Variants in MAD1L1 observed in about 807,000 individuals in gnomAD.
MAD1L1 encodes mitotic spindle assembly checkpoint protein MAD1.
MAD1L1 carries 95 observed loss-of-function variants against 96.9 expected under a neutral mutation model. That is an observed-to-expected ratio of 0.98 (90% CI 0.83 to 1.16). The LOEUF (loss-of-function observed/expected upper bound fraction) is 1.16. MAD1L1 is among the 50% of genes most tolerant of loss of function. The probability of loss-of-function intolerance (pLI) is 0.00; values close to 1 mark genes in which losing one functional copy is unlikely to be tolerated. For missense variants in MAD1L1, 1,007 were observed against 954.4 expected, an observed-to-expected ratio of 1.06 and a Z score of -0.73; for synonymous variants, 473 against 396.6, an observed-to-expected ratio of 1.19 and a Z score of -2.29.
intron 16 of MAD1L1, among the ~76,000 whole-genome samples, chr7:1,946,617 G>A (rs991666359): frequency 6.6e-6 from 1 of 152,236 alleles, no homozygotes; most frequent in Non-Finnish European, 1.5e-5. Context: ...AGGCGCTCTG[G>A]TGCTGCTACC....
chr7:2,149,658 G>C (rs1789474513), intron 10 of MAD1L1, among the ~76,000 whole-genome samples: 1 of 152,228 alleles, frequency 6.6e-6, no homozygotes, highest in African/African-American at 2.4e-5. Context: ...GCGATCTCCA[G>C]GTGTAGCGCT....
rs574959802 is a variant in MAD1L1, at chr7:1,949,841, G to T, written c.1596+7788C>A. On this transcript the variant is annotated intron_variant, in intron 16 of 18. Transcript: ENST00000265854. ...CGGGGCACTTGCAGACAGGGCCACG[G>T]CCCTTGCTTCCCAGAGGAGGCCCCG... 5.9e-5 allele frequency among the ~76,000 whole-genome samples: 9 copies of T among 152,352 alleles called. No individual in the cohort carries two copies. In the South Asian group the frequency reaches 1.9e-3, roughly 32 times the overall value.
At chr7:2,068,950 G>T (rs1168852519) in intron 12 of MAD1L1, among the ~76,000 whole-genome samples, 1 of 152,158 alleles carries the variant, frequency 6.6e-6, no homozygotes, top group Non-Finnish European at 1.5e-5. Flanking sequence ...GGCCAGGGGT[G>T]GACACTGAGA....
intron 10 of MAD1L1, among the ~76,000 whole-genome samples, chr7:2,180,268 G>A (rs1389523245): frequency 4.6e-5 from 7 of 152,218 alleles, no homozygotes; most frequent in Admixed American, 3.3e-4. Flanking sequence ...TTGAAGCTCT[G>A]AGCAAGCAGG....
At chr7:2,192,709 A>G (rs1466563815) in intron 10 of MAD1L1, among the ~76,000 whole-genome samples, 2 of 152,172 alleles carry the variant, frequency 1.3e-5, no homozygotes, top group South Asian at 2.1e-4. Flanking sequence ...TCATGCTCCT[A>G]AACTAACGTC....
At chr7:1,950,464 C>T (rs1779439645) in intron 16 of MAD1L1, among the ~76,000 whole-genome samples, 15 of 152,250 alleles carry the variant, frequency 9.9e-5, no homozygotes, top group Admixed American at 9.8e-4. Context: ...TGGTAATCAC[C>T]CGCTGACTTC....
intron 17 of MAD1L1, among the ~76,000 whole-genome samples, chr7:1,934,381 G>A (rs916743294): frequency 8.5e-5 from 13 of 152,204 alleles, no homozygotes; most frequent in Non-Finnish European, 1.5e-5. Context: ...ACAGACGGGC[G>A]AACCCGAGAC....
chr7:2,102,129 A>G (rs1345023012), intron 11 of MAD1L1, among the ~76,000 whole-genome samples: 2 of 151,982 alleles, frequency 1.3e-5, no homozygotes, highest in Non-Finnish European at 2.9e-5. Context: ...CTCTCAACAG[A>G]TGCCAAGTCC....
At chr7:2,140,631 G>A (rs763133641) in intron 11 of MAD1L1, among the ~76,000 whole-genome samples, 15 of 152,310 alleles carry the variant, frequency 9.8e-5, no homozygotes, top group Middle Eastern at 3.4e-3. Flanking sequence ...ATCCCAGCAC[G>A]AGGCCAGGCC....
intron 17 of MAD1L1, among the ~76,000 whole-genome samples, chr7:1,914,839 C>T (rs904123310): frequency 1.3e-5 from 2 of 152,102 alleles, no homozygotes; most frequent in East Asian, 1.9e-4. Context: ...GGTCTCCAAC[C>T]GAGCCTCTGG....
chr7:2,077,046 G>C lies in MAD1L1; in HGVS notation c.1074-7708C>G, dbSNP rs1785411745. Among the ~76,000 whole-genome samples the C allele has an allele frequency of 2.1e-5, 3 of 142,156 alleles. No individual in the cohort carries two copies. The South Asian group carries it at 6.9e-4, about 33-fold the overall frequency. The allele number at this position is 142,156 out of a possible 152,430, so 93.3% of individuals were successfully genotyped here. On this transcript the variant is annotated intron_variant, in intron 11 of 18. Coordinates refer to ENST00000265854, the MANE Select transcript of MAD1L1 (RefSeq NM_001013836.2). ...TGAGCCCGAGACAGAGTTACGACTTGGTGAGCCCGCGGCATGGTGAGCCCA... is the reference window on the plus strand; with the variant it reads ...TGAGCCCGAGACAGAGTTACGACTTCGTGAGCCCGCGGCATGGTGAGCCCA...
chr7:2,176,367 A>T (rs939751283), intron 10 of MAD1L1, among the ~76,000 whole-genome samples: 1 of 152,206 alleles, frequency 6.6e-6, no homozygotes, highest in African/African-American at 2.4e-5. Context: ...ATAAATAAAT[A>T]AAAGAGTGAA....
intron 11 of MAD1L1, among the ~76,000 whole-genome samples, 161 bp from the exon 12 acceptor site, chr7:2,069,499 G>T (rs1401593567): frequency 6.6e-6 from 1 of 152,166 alleles, no homozygotes; most frequent in Admixed American, 6.5e-5. Flanking sequence ...GCTACTTAAG[G>T]CCTTTCAGGA....
intron 18 of MAD1L1, among the ~76,000 whole-genome samples, chr7:1,842,871 G>C (rs900075659): frequency 2.0e-5 from 3 of 152,258 alleles, no homozygotes; most frequent in Non-Finnish European, 2.9e-5. Flanking sequence ...CTCAGCACAC[G>C]GGCTGCCTTG....
chr7:2,155,922 T>A (rs1290604417), intron 10 of MAD1L1, among the ~76,000 whole-genome samples: 1 of 152,186 alleles, frequency 6.6e-6, no homozygotes, highest in African/African-American at 2.4e-5. Context: ...ATCTCATAGT[T>A]TTTAATTTAA....
intron 17 of MAD1L1, among the ~76,000 whole-genome samples, chr7:1,932,372 T>C (rs1017674035): frequency 6.6e-6 from 1 of 152,252 alleles, no homozygotes; most frequent in Non-Finnish European, 1.5e-5. Context: ...TCTTTCCTGG[T>C]TTACTCCCTC....
intron 17 of MAD1L1, among the ~76,000 whole-genome samples, chr7:1,905,607 G>C (rs1326932459): frequency 6.6e-6 from 1 of 152,260 alleles, no homozygotes; most frequent in African/African-American, 2.4e-5. Flanking sequence ...GTAGCCTATG[G>C]AAGATGCTCT....
At chr7:1,839,210 G>A (rs1441125354) in intron 18 of MAD1L1, among the ~76,000 whole-genome samples, 1 of 152,128 alleles carries the variant, frequency 6.6e-6, no homozygotes, top group African/African-American at 2.4e-5. Context: ...GTGGAGCAGG[G>A]CTTGGTGGGA....
At chr7:2,066,341 C>T (rs1158360298) in intron 12 of MAD1L1, among the ~76,000 whole-genome samples, 2 of 152,256 alleles carry the variant, frequency 1.3e-5, no homozygotes, top group Non-Finnish European at 2.9e-5. Context: ...GAGCAGCAGG[C>T]ACGCCGCTCC....
Sources: allele counts gnomAD v4.1 joint callset (sites outside exome capture counted in the v4.1 genomes callset), GRCh38; gene constraint gnomAD v4.1.1; transcripts MANE v1.5; gene names NCBI Gene and HGNC (gene_info 2026-07-23, HGNC 2026-07-21).